The following SNORC variants were observed in gnomAD, a reference collection of about 807,000 sequenced individuals.
SNORC encodes secondary ossification center associated regulator of chondrocyte maturation.
SNORC carries 11 observed loss-of-function variants against 9.7 expected under a neutral mutation model. That is an observed-to-expected ratio of 1.14 (90% CI 0.72 to 1.88). The LOEUF (loss-of-function observed/expected upper bound fraction) is 1.88. Ranked by LOEUF, SNORC falls within the 40% of genes most tolerant of loss-of-function variation. SNORC has a pLI of 0.00. For missense variants in SNORC, 197 were observed against 173.1 expected, an observed-to-expected ratio of 1.14 and a Z score of -0.77; for synonymous variants, 108 against 88.7, an observed-to-expected ratio of 1.22 and a Z score of -1.22.
At chr2:232,870,279 C>G, upstream of SNORC, 1 of 1,460,704 alleles carries the variant, frequency 6.8e-7, no homozygotes, top group Non-Finnish European at 9.4e-7. Context: ...TCTCACTGCC[C>G]TGAAGTTAAC....
At chr2:232,875,986 C>G in exon 2 of SNORC, 1 of 1,555,236 alleles carries the variant, frequency 6.4e-7, no homozygotes, top group South Asian at 1.2e-5. Flanking sequence ...ACGAGCCGGC[C>G]GAGCTGCCGT....
Position 232,875,574 on chromosome 2 carries a change from G to C in SNORC, c.74-366G>C, listed in dbSNP as rs113321658. ...CTGGCTGGTGAGGATACAGGGCGGG[G>C]GTTATCATGCAGGCGTCTCAGCCTG... On this transcript the variant is annotated intron_variant, in intron 1 of 2. Coordinates refer to ENST00000331342, the Ensembl canonical transcript of SNORC. The C allele has an allele frequency of 2.5e-3, 1,028 of 407,444 alleles. 5 individuals carry two copies. Among genetic ancestry groups the C allele is most frequent in the African/African-American group, 0.02 (949 of 47,532 alleles). The allele number at this position is 407,444 out of a possible 1,614,324, so 25.2% of individuals were successfully genotyped here.
chr2:232,877,164 G>A (rs1385537406), downstream of SNORC: 5 of 985,458 alleles, frequency 5.1e-6, no homozygotes, highest in East Asian at 1.1e-4. Flanking sequence ...CGCCGGACAC[G>A]GCCCGCCCCT....
rs1032178968 is a variant in SNORC, at chr2:232,875,753, C to T, written c.74-187C>T. The T allele has an allele frequency of 4.7e-6, 3 of 639,046 alleles. No individual in the cohort carries two copies. In the Admixed American group the frequency reaches 9.4e-5, roughly 20 times the overall value. 39.6% of individuals were successfully genotyped at this position (639,046 alleles called of 1,614,324 possible). A position where few individuals can be genotyped will look rare whatever the true frequency, so the allele number is the denominator to read the frequency against. ...CACTCCTCCTGCCCACCCACCGGCC[C>T]TGCCCAATGGGAGGCAGCAACGCAC... On this transcript the variant is annotated intron_variant, in intron 1 of 2. Transcript: ENST00000331342.
At chr2:232,875,717 C>A in intron 1 of SNORC, 1 of 583,100 alleles carries the variant, frequency 1.7e-6, no homozygotes, top group Non-Finnish European at 3.0e-6. Flanking sequence ...ACCTCCCTTA[C>A]ACTGAACAGA....
At chr2:232,875,341 C>CAA in intron 1 of SNORC, 1 of 206,668 alleles carries the variant, frequency 4.8e-6, no homozygotes, top group South Asian at 6.0e-5. Context: ...GACTCTGTTT[C>CAA]AAAAAGAGAG....
chr2:232,869,031 T>G (rs1690931068), upstream of SNORC: 1 of 152,244 alleles, frequency 6.6e-6, no homozygotes, highest in Admixed American at 6.5e-5. Flanking sequence ...TCAGACTTTG[T>G]GCTTGCTCTC....
upstream of SNORC, among the ~76,000 whole-genome samples, chr2:232,867,426 A>G (rs1192974479): frequency 3.3e-5 from 5 of 152,244 alleles, no homozygotes; most frequent in Non-Finnish European, 7.3e-5. Context: ...ACACTCCAAC[A>G]TTATAAAAAT....
chr2:232,873,954 G>C (rs1691122540), intron 1 of SNORC, among the ~76,000 whole-genome samples: 1 of 152,216 alleles, frequency 6.6e-6, no homozygotes, highest in Admixed American at 6.5e-5. Context: ...CCACCCATGG[G>C]GCCTCCTGCC....
At chr2:232,875,145 G>A (rs1021777704) in intron 1 of SNORC, among the ~76,000 whole-genome samples, 2 of 152,180 alleles carry the variant, frequency 1.3e-5, no homozygotes, top group Non-Finnish European at 2.9e-5. Context: ...TTCAAAATCA[G>A]CCTGGCCAAC....
upstream of SNORC, among the ~76,000 whole-genome samples, chr2:232,867,409 C>G (rs1232384871): frequency 6.6e-6 from 1 of 152,150 alleles, no homozygotes; most frequent in Non-Finnish European, 1.5e-5. Flanking sequence ...TCTATACTTG[C>G]TTAAAGACAC....
intron 1 of SNORC, among the ~76,000 whole-genome samples, chr2:232,874,728 C>T (rs752033024): frequency 9.2e-5 from 14 of 152,208 alleles, no homozygotes; most frequent in South Asian, 2.1e-4. Context: ...GGATGGAACC[C>T]GCAGGGACAA....
At chr2:232,870,468 C>T in intron 1 of SNORC, 54 bp downstream of exon 1, 2 of 1,502,154 alleles carry the variant, frequency 1.3e-6, no homozygotes, top group Non-Finnish European at 1.8e-6. Flanking sequence ...GGGCCGATAA[C>T]TACCTTGGGG....
At chr2:232,877,264 A>T (rs780336192), downstream of SNORC, 51 of 985,296 alleles carry the variant, frequency 5.2e-5, no homozygotes, top group South Asian at 1.9e-4. Context: ...CGGCTTTCCC[A>T]GCTCTACTCA....
rs994831611 is a variant in SNORC, at chr2:232,876,126, C to T, written c.256+4C>T. On this transcript the variant is annotated splice_donor_region_variant and intron_variant, in intron 2 of 2. Coordinates refer to ENST00000331342, the Ensembl canonical transcript of SNORC. This position sits in a 1 kb window ranked among gnomAD's most constrained non-coding sequence, Gnocchi z 6.8. ...GAGCGGCTGGACCAGGGCGGCGGTA[C>T]GGGCGGGGCGGGGGAGGGAGGGGAG... 3 of 1,010,632 alleles carry T rather than the reference C, an allele frequency of 3.0e-6. No individual in the cohort carries two copies. The highest frequency in any genetic ancestry group is 2.5e-5 in the South Asian group (1 of 40,246). 62.6% of individuals were successfully genotyped at this position (1,010,632 alleles called of 1,614,324 possible).
At chr2:232,867,092 C>T (rs1690893263), upstream of SNORC, among the ~76,000 whole-genome samples, 1 of 151,932 alleles carries the variant, frequency 6.6e-6, no homozygotes, top group East Asian at 1.9e-4. Flanking sequence ...AGTGCCCAGC[C>T]AAGCCTGAAC....
At chr2:232,866,620 A>T (rs945358540), upstream of SNORC, among the ~76,000 whole-genome samples, 2 of 152,196 alleles carry the variant, frequency 1.3e-5, no homozygotes, top group Non-Finnish European at 2.9e-5. Flanking sequence ...TTTTCACCAC[A>T]GCTTATGAGA....
Position 232,876,171 on chromosome 2 carries a change from C to CG in SNORC, c.256+55dup, listed in dbSNP as rs1691231118. ...GGGGAGAGGGAGAAATTAGGAGGGGCGGGGGGCGGGGGGCGCGGGGAGAAG... is the reference window on the plus strand; with the variant it reads ...GGGGAGAGGGAGAAATTAGGAGGGGCGGGGGGGCGGGGGGCGCGGGGAGAAG... On this transcript the variant is annotated intron_variant, in intron 2 of 2. Transcript: ENST00000331342. This position sits in a 1 kb window ranked among gnomAD's most constrained non-coding sequence, Gnocchi z 6.8. 4 of 110,640 alleles carry CG rather than the reference C, an allele frequency of 3.6e-5. No homozygotes were observed. Among genetic ancestry groups the CG allele is most frequent in the Admixed American group, 3.0e-4 (1 of 3,380 alleles). The allele number at this position is 110,640 out of a possible 1,614,324, so 6.9% of individuals were successfully genotyped here. A position where few individuals can be genotyped will look rare whatever the true frequency, so the allele number is the denominator to read the frequency against.
chr2:232,876,582 A>G, downstream of SNORC: 1 of 1,142,786 alleles, frequency 8.8e-7, no homozygotes, highest in Non-Finnish European at 1.1e-6. This position sits in a 1 kb window ranked among gnomAD's most constrained non-coding sequence, Gnocchi z 6.8. Context: ...GGCGTGCGTG[A>G]GCGCACAGCA....
Sources: allele counts gnomAD v4.1 joint callset (sites outside exome capture counted in the v4.1 genomes callset), GRCh38; gene constraint gnomAD v4.1.1; non-coding constraint Gnocchi (gnomAD v3.1); transcripts MANE v1.5; gene names NCBI Gene and HGNC (gene_info 2026-07-23, HGNC 2026-07-21).